Variants in VPS50 observed in about 807,000 individuals in gnomAD.
VPS50 encodes VPS50 subunit of EARP/GARPII complex.
In VPS50, 70 loss-of-function variants were observed where a neutral mutation model predicts 139.7. The observed-to-expected ratio is 0.50, with a 90% CI of 0.41 to 0.61. The LOEUF (loss-of-function observed/expected upper bound fraction) is 0.61. VPS50 is among the 20% of genes least tolerant of loss of function. The pLI, the probability that VPS50 is intolerant of heterozygous loss-of-function variation, is 0.00. For missense variants in VPS50, 921 were observed against 1,133.7 expected, an observed-to-expected ratio of 0.81 and a Z score of 2.69; for synonymous variants, 365 against 376.7, an observed-to-expected ratio of 0.97 and a Z score of 0.36.
chr7:93,275,969 T>C, intron 11 of VPS50, 196 bp from the exon 12 acceptor site: 1 of 535,426 alleles, frequency 1.9e-6, no homozygotes. Flanking sequence ...TTGAGTGCTC[T>C]GATAATCTGG....
intron 26 of VPS50, among the ~76,000 whole-genome samples, chr7:93,354,297 TTC>T (rs1798637871): frequency 2.0e-5 from 2 of 101,590 alleles, no homozygotes; most frequent in Non-Finnish European, 3.4e-5. Context: ...TTTCTTTTCT[TTC>T]TTTTTTTTTT....
chr7:93,257,323 T>C, intron 5 of VPS50, 71 bp from the exon 6 acceptor site: 1 of 873,874 alleles, frequency 1.1e-6, no homozygotes, highest in Non-Finnish European at 1.8e-6. Flanking sequence ...GAGTTTTTGT[T>C]AGAGTACTAT....
At chr7:93,327,831 AG>A (rs1797825868) in intron 21 of VPS50, among the ~76,000 whole-genome samples, 1 of 152,120 alleles carries the variant, frequency 6.6e-6, no homozygotes, top group Non-Finnish European at 1.5e-5. Context: ...GGTACCGGGG[AG>A]GGGGAATCAG....
intron 2 of VPS50, among the ~76,000 whole-genome samples, chr7:93,247,427 G>A (rs1278970780): frequency 3.3e-5 from 5 of 151,810 alleles, no homozygotes; most frequent in Non-Finnish European, 7.4e-5. Flanking sequence ...GCTTTAACCT[G>A]TTGTGCACTT....
At chr7:93,334,066 C>G in intron 21 of VPS50, 51 bp from the exon 22 acceptor site, 1 of 991,414 alleles carries the variant, frequency 1.0e-6, no homozygotes, top group Non-Finnish European at 1.6e-6. Context: ...GAAGATGTAA[C>G]ATTTGCAAGA....
At chr7:93,353,400 T>G (rs1375346753) in intron 25 of VPS50, among the ~76,000 whole-genome samples, 3 of 152,044 alleles carry the variant, frequency 2.0e-5, no homozygotes, top group Non-Finnish European at 2.9e-5. Context: ...TTAATGACAC[T>G]TACTCCTTTT....
chr7:93,317,551 T>G (rs1209278164), intron 20 of VPS50, among the ~76,000 whole-genome samples: 2 of 152,178 alleles, frequency 1.3e-5, no homozygotes, highest in African/African-American at 4.8e-5. Context: ...GGCAAGACTC[T>G]GTCTCAAATA....
intron 24 of VPS50, among the ~76,000 whole-genome samples, chr7:93,349,408 GA>G (rs1410044182): frequency 6.6e-6 from 1 of 152,186 alleles, no homozygotes; most frequent in African/African-American, 2.4e-5. Flanking sequence ...GAAGCTCCTG[GA>G]GGGTTTGAAA....
intron 17 of VPS50, among the ~76,000 whole-genome samples, chr7:93,304,248 G>A (rs1338325523): frequency 1.3e-5 from 2 of 151,784 alleles, no homozygotes; most frequent in Non-Finnish European, 3.0e-5. Context: ...AAAGTATGGT[G>A]TGTTTAGTTT....
chr7:93,327,868 G>C (rs1319498820), intron 21 of VPS50, among the ~76,000 whole-genome samples: 1 of 152,148 alleles, frequency 6.6e-6, no homozygotes, highest in Non-Finnish European at 1.5e-5. Flanking sequence ...GGAAGAACAG[G>C]TTATGTGGTG....
intron 25 of VPS50, 48 bp downstream of exon 25, chr7:93,350,081 A>G: frequency 7.2e-7 from 1 of 1,380,180 alleles, no homozygotes. Flanking sequence ...CTACTAAGAG[A>G]AGTGTTCCTT....
Position 93,353,704 on chromosome 7 carries a change from T to C in VPS50, c.2528T>C (p.Val843Ala), listed in dbSNP as rs1278691222. The C allele has an allele frequency of 6.2e-7, 1 of 1,612,666 alleles. No individual in the cohort carries two copies. The highest frequency in any genetic ancestry group is 1.1e-5 in the South Asian group (1 of 91,032). ...AAGAGAGTTCGCATACCCTTGCCTG[T>C]GTCTAATATACTTTGGGAACATTGT... ...VSKRVRIPLP[V>A]SNILWEHCIR... is the part of the protein sequence containing the mutation. Residue 843 changes from valine (V) to alanine (A), a missense_variant, in exon 26 of 28, where the codon GTG becomes GCG. By Grantham distance (64) the Val-to-Ala change is moderately conservative. Coordinates refer to ENST00000305866, the MANE Select transcript of VPS50 (RefSeq NM_017667.4).
At chr7:93,319,787 A>C (rs1469816003) in intron 20 of VPS50, among the ~76,000 whole-genome samples, 2 of 152,064 alleles carry the variant, frequency 1.3e-5, no homozygotes, top group Non-Finnish European at 1.5e-5. Context: ...TCTTTTTAAA[A>C]CAATTTCCTC....
At chr7:93,266,411 T>C (rs1252613454) in intron 9 of VPS50, among the ~76,000 whole-genome samples, 2 of 152,206 alleles carry the variant, frequency 1.3e-5, no homozygotes. Flanking sequence ...ATTAAGATAT[T>C]ATCGCTGTGC....
chr7:93,341,374 G>C, intron 22 of VPS50, 53 bp from the exon 23 acceptor site: 1 of 1,305,710 alleles, frequency 7.7e-7, no homozygotes, highest in East Asian at 2.5e-5. Flanking sequence ...AAATCACGTG[G>C]TTTATTACTG....
intron 16 of VPS50, among the ~76,000 whole-genome samples, chr7:93,302,876 G>A (rs567510174): frequency 6.6e-6 from 1 of 152,154 alleles, no homozygotes; most frequent in African/African-American, 2.4e-5. Flanking sequence ...ATTAAAGAAA[G>A]AAAAGAGATC....
intron 21 of VPS50, among the ~76,000 whole-genome samples, chr7:93,333,692 T>A (rs1797996440): frequency 6.6e-6 from 1 of 152,208 alleles, no homozygotes; most frequent in Admixed American, 6.5e-5. Flanking sequence ...GGAGTTAAGC[T>A]ATCGCTAATT....
chr7:93,301,799 A>G (rs1796984221), intron 16 of VPS50, among the ~76,000 whole-genome samples: 1 of 152,172 alleles, frequency 6.6e-6, no homozygotes, highest in Admixed American at 6.5e-5. Context: ...ACTGGATCCT[A>G]TGGTAACGCT....
intron 18 of VPS50, among the ~76,000 whole-genome samples, chr7:93,307,485 C>G (rs1562879044): frequency 6.6e-6 from 1 of 151,880 alleles, no homozygotes; most frequent in Admixed American, 6.6e-5. Context: ...CAGAGCATGC[C>G]TTGTTTGTAT....
Sources: gnomAD v4.1 joint callset for allele counts (sites outside exome capture counted in the v4.1 genomes callset) on GRCh38, gnomAD v4.1.1 for gene constraint, MANE v1.5 for transcripts, NCBI Gene and HGNC (gene_info 2026-07-23, HGNC 2026-07-21) for gene names.